The following SLC35A2 variants were observed in gnomAD, a reference collection of about 807,000 sequenced individuals.
SLC35A2 encodes UDP-galactose translocator.
In SLC35A2, 1 loss-of-function variant was observed where a neutral mutation model predicts 17.3. That is an observed-to-expected ratio of 0.06 (90% CI 0.02 to 0.27). The LOEUF is 0.27. SLC35A2 is among the 10% of genes least tolerant of loss of function. SLC35A2 has a pLI of 1.00. For synonymous variants in SLC35A2, 161 were observed against 161.3 expected, an observed-to-expected ratio of 1.00 and a Z score of 0.01; for missense variants, 191 against 339.3, an observed-to-expected ratio of 0.56 and a Z score of 3.43.
chrX:48,908,363 C>T lies in SLC35A2; in HGVS notation c.274+1451G>A, dbSNP rs1441639263. The stretch of plus-strand genomic sequence containing the variant: ...ACTCCTGACCTTGTGATCCACCTGC[C>T]TCTCGGCCTCCCAAAGTGCTGGGAT... On this transcript the variant is annotated intron_variant, in intron 2 of 4. Coordinates refer to ENST00000247138, the MANE Select transcript of SLC35A2 (RefSeq NM_005660.3). 3.6e-5 allele frequency among the ~76,000 whole-genome samples: 4 copies of T among 110,858 alleles called. No individual in the cohort carries two copies. In the Admixed American group the frequency reaches 3.9e-4, roughly 11 times the overall value.
At chrX:48,909,679 C>T (rs782283770) in intron 2 of SLC35A2, 135 bp downstream of exon 2, 24 of 547,465 alleles carry the variant, frequency 4.4e-5, no homozygotes, top group South Asian at 1.9e-4. Context: ...GATGCCGCTA[C>T]GCATAGCTGG....
At chrX:48,911,705 C>T (rs889972587), upstream of SLC35A2, 1 of 1,154,299 alleles carries the variant, frequency 8.7e-7, no homozygotes, top group East Asian at 3.3e-5. Context: ...CTTCCGCTGC[C>T]GGGCCACCTG....
intron 1 of SLC35A2, among the ~76,000 whole-genome samples, chrX:48,911,246 G>A (rs1042655460): frequency 9.0e-6 from 1 of 110,741 alleles, no homozygotes; most frequent in African/African-American, 3.3e-5. Flanking sequence ...CCCGCAGAAT[G>A]GTCTCTTCCA....
chrX:48,911,417 TGC>T, intron 1 of SLC35A2, 127 bp downstream of exon 1: 1 of 819,734 alleles, frequency 1.2e-6, no homozygotes, highest in Non-Finnish European at 1.8e-6. Flanking sequence ...ACTGACAATG[TGC>T]ACACACACAC....
Position 48,904,981 on chromosome X carries a change from C to G in SLC35A2, c.928G>C (p.Val310Leu). 8.3e-7 allele frequency: 1 copy of G among 1,211,577 alleles called. No individual in the cohort carries two copies. Among genetic ancestry groups the G allele is most frequent in the Non-Finnish European group, 1.1e-6 (1 of 895,254 alleles). ...ATSLSIVLST[V>L]ASIRLFGFHV... ...AAGCCAAAGAGGCGAATGGAGGCAA[C>G]AGTGGACAGCACAATGGACAGGGAG... Residue 310 changes from valine (V) to leucine (L), a missense_variant, in exon 4 of 5, where the codon GTT (valine) becomes CTT (leucine). Coordinates refer to ENST00000247138, the MANE Select transcript of SLC35A2 (RefSeq NM_005660.3).
At chrX:48,909,038 G>C (rs1342931491) in intron 2 of SLC35A2, among the ~76,000 whole-genome samples, 1 of 112,211 alleles carries the variant, frequency 8.9e-6, no homozygotes, top group Non-Finnish European at 1.9e-5. Context: ...GCAAAATCCA[G>C]ACTACCCAAA....
chrX:48,905,295 G>A lies in SLC35A2; in HGVS notation c.614C>T (p.Ala205Val). Reference sequence around the variant, plus strand: ...GGAGGAGAGACAGGAGGCCACGACGGCTGCCAGGCCTGCCCCAGGGTTCTG... The same window carrying A: ...GGAGGAGAGACAGGAGGCCACGACGACTGCCAGGCCTGCCCCAGGGTTCTG... ...LDQNPGAGLA[A>V]VVASCLSSGF... Residue 205 changes from alanine to valine, a missense_variant, in exon 4 of 5, where the codon GCC becomes GTC. By Grantham distance (64) the Ala-to-Val change is moderately conservative. Coordinates refer to ENST00000247138, the MANE Select transcript of SLC35A2 (RefSeq NM_005660.3). 1.7e-6 allele frequency: 2 copies of A among 1,189,511 alleles called. No homozygotes were observed. Among genetic ancestry groups the A allele is most frequent in the Admixed American group, 2.4e-5 (1 of 42,396 alleles).
chrX:48,903,953 G>A (rs2063464937), intron 4 of SLC35A2: 22 of 760,681 alleles, frequency 2.9e-5, no homozygotes, highest in Non-Finnish European at 3.3e-5. Flanking sequence ...CCAAAAATAA[G>A]CCTACATCTG....
intron 1 of SLC35A2, 122 bp from the exon 2 acceptor site, chrX:48,910,118 C>T (rs1557043717): frequency 4.7e-6 from 4 of 847,953 alleles, no homozygotes; most frequent in Middle Eastern, 3.9e-4. Context: ...CTACTTGCTC[C>T]CTCAGCCTGC....
Position 48,909,935 on chromosome X carries a change from G to T in SLC35A2, c.153C>A (p.Ile51=). The change falls in exon 2 of 5, where the codon ATC becomes ATA. Residue 51 remains isoleucine (I), a synonymous_variant. Transcript: ENST00000247138. ...AVLVVQNASL[I]LSIRYARTLP... ...ACGTGCGGGCGTAGCGGATGCTGAG[G>T]ATGAGGGAGGCATTCTGGACCACCA... is the stretch of plus-strand genomic sequence containing the variant. 8.3e-7 allele frequency: 1 copy of T among 1,210,409 alleles called. No homozygotes were observed. The highest frequency in any genetic ancestry group is 1.8e-5 in the South Asian group (1 of 56,595).
upstream of SLC35A2, chrX:48,911,826 A>C (rs6609808): frequency 3.0e-3 from 3,523 of 1,166,210 alleles, 125 homozygotes; most frequent in East Asian, 0.1. Flanking sequence ...TCGGATCGGG[A>C]GGCCGGGGAC....
rs1173827222 is a variant in SLC35A2, at chrX:48,911,590, C to A, written c.47G>T (p.Gly16Val). The A allele has an allele frequency of 8.6e-7, 1 of 1,165,555 alleles. No individual in the cohort carries two copies. Among genetic ancestry groups the A allele is most frequent in the Non-Finnish European group, 1.1e-6 (1 of 875,378 alleles). ...AGGSTAAPGP[G>V]AVSAGALEPG... The stretch of plus-strand genomic sequence containing the variant: ...CTCCAATGCACCCGCGGAAACCGCC[C>A]CTGGCCCGGGCGCCGCGGTGGAACC... Residue 16 changes from glycine to valine, a missense_variant, in exon 1 of 5, where the codon GGG (glycine) becomes GTG (valine). Gly to Val is a moderately radical substitution (Grantham distance 109). This residue lies in a region of SLC35A2 where 27 missense variants were observed against 24.0 expected (regional missense o/e 1.12). Transcript: ENST00000247138.
chrX:48,903,763 C>T, intron 4 of SLC35A2: 1 of 933,606 alleles, frequency 1.1e-6, no homozygotes, highest in Non-Finnish European at 1.3e-6. Context: ...GCCCAGGCAT[C>T]TTCCATGCAC....
intron 4 of SLC35A2, chrX:48,904,163 C>A: frequency 1.3e-6 from 1 of 781,926 alleles, no homozygotes; most frequent in Non-Finnish European, 1.5e-6. Flanking sequence ...TGGGGACTCA[C>A]AAGAAGCCCA....
intron 2 of SLC35A2, among the ~76,000 whole-genome samples, chrX:48,909,401 G>A (rs1304565969): frequency 1.8e-5 from 2 of 113,149 alleles, no homozygotes; most frequent in Non-Finnish European, 3.7e-5. Flanking sequence ...GGATAAGGAC[G>A]TAGGTAGACA....
Position 48,904,092 on chromosome X carries a change from C to T in SLC35A2, c.1164-627G>A, listed in dbSNP as rs186976906. The T allele has an allele frequency of 3.0e-3, 2,306 of 762,120 alleles. 1 individual carries two copies. The highest frequency in any genetic ancestry group is 3.2e-3 in the Non-Finnish European group (2,071 of 645,150). The allele number at this position is 762,120 out of a possible 1,213,427, so 62.8% of individuals were successfully genotyped here. A position where few individuals can be genotyped will look rare whatever the true frequency, so the allele number is the denominator to read the frequency against. ...AGTCCACTAAAAAAAACAAATGGCC[C>T]CTACCACACCTTCTGCCAGAAGGGC... On this transcript the variant is annotated intron_variant, in intron 4 of 4. Coordinates refer to ENST00000247138, the MANE Select transcript of SLC35A2 (RefSeq NM_005660.3).
chrX:48,905,487 G>A lies in SLC35A2; in HGVS notation c.427-5C>T, dbSNP rs1416343109. The A allele has an allele frequency of 1.8e-6, 2 of 1,138,525 alleles. No homozygotes were observed. Among genetic ancestry groups the A allele is most frequent in the Non-Finnish European group, 1.2e-6 (1 of 864,367 alleles). 93.8% of individuals were successfully genotyped at this position (1,138,525 alleles called of 1,213,427 possible). A position where few individuals can be genotyped will look rare whatever the true frequency, so the allele number is the denominator to read the frequency against. ...GATCTTCAGCTGGTATGTCACCTGC[G>A]AGTGGCACGTGGAAGGCACTGAGGG... On this transcript the variant is annotated splice_region_variant and splice_polypyrimidine_tract_variant and intron_variant, in intron 3 of 4. Coordinates refer to ENST00000247138, the MANE Select transcript of SLC35A2 (RefSeq NM_005660.3).
chrX:48,911,538 T>A lies in SLC35A2; in HGVS notation c.91+8A>T. On this transcript the variant is annotated splice_region_variant and intron_variant, in intron 1 of 4. Coordinates refer to ENST00000247138, the MANE Select transcript of SLC35A2 (RefSeq NM_005660.3). The stretch of plus-strand genomic sequence containing the variant: ...CTCCCATGCGACTGCTCGGGCAGAC[T>A]GTCTCACCCGCACTGGCGGTCCCCG... The A allele has an allele frequency of 1.7e-6, 2 of 1,160,662 alleles. No individual in the cohort carries two copies. The highest frequency in any genetic ancestry group is 2.3e-6 in the Non-Finnish European group (2 of 873,480).
upstream of SLC35A2, chrX:48,911,916 TTCGTCCGCTTCACTGA>T: frequency 8.6e-7 from 1 of 1,167,496 alleles, no homozygotes; most frequent in African/African-American, 1.8e-5. Flanking sequence ...TATCCTGCCG[TTCGTCCGCTTCACTGA>T]TCGCGCTTTC....
Sources: allele counts gnomAD v4.1 joint callset (sites outside exome capture counted in the v4.1 genomes callset), GRCh38; gene constraint gnomAD v4.1.1; regional missense constraint gnomAD v4.1.1; transcripts MANE v1.5; gene names NCBI Gene and HGNC (gene_info 2026-07-23, HGNC 2026-07-21).